DLC1: variants seen among roughly 807,000 people sequenced by gnomAD.
DLC1 encodes DLC1 Rho GTPase activating protein.
Under a neutral mutation model 140.3 loss-of-function variants are expected in DLC1, and 54 were observed. The ratio of observed to expected loss-of-function variants is 0.38; its 90% confidence interval spans 0.31 to 0.48. DLC1 has a LOEUF of 0.48. DLC1 is among the 20% of genes least tolerant of loss of function. DLC1 has a pLI of 0.96. For missense variants in DLC1, 2,536 were observed against 1,907.0 expected (o/e 1.33, Z -6.14); for synonymous variants, 986 against 728.1 (o/e 1.35, Z -5.70).
intron 2 of DLC1, among the ~76,000 whole-genome samples, chr8:13,435,811 C>T (rs1364973957): frequency 6.6e-6 from 1 of 152,218 alleles, no homozygotes; most frequent in Non-Finnish European, 1.5e-5. Flanking sequence ...TCAAACAGCA[C>T]TGCAAGCTAC....
chr8:13,396,066 T>C lies in DLC1; in HGVS notation c.1174-2373A>G, dbSNP rs1161945062. Among the ~76,000 whole-genome samples, 14 of 148,240 alleles carry C rather than the reference T, an allele frequency of 9.4e-5. No homozygotes were observed. In the South Asian group the frequency reaches 1.5e-3, roughly 16 times the overall value. Reference sequence around the variant, plus strand: ...TTGCATTAATTTCTTTTCTTTCTTTTTTTTTTTTTTTGAGACGGAGTCTCA... The same window carrying C: ...TTGCATTAATTTCTTTTCTTTCTTTCTTTTTTTTTTTGAGACGGAGTCTCA... On this transcript the variant is annotated intron_variant, in intron 3 of 17. Transcript: ENST00000276297.
At chr8:13,131,883 C>T (rs1822125988) in intron 5 of DLC1, among the ~76,000 whole-genome samples, 1 of 152,182 alleles carries the variant, frequency 6.6e-6, no homozygotes, top group Non-Finnish European at 1.5e-5. Context: ...GCCCCAGGGG[C>T]TGTGCGCTGA....
intron 4 of DLC1, among the ~76,000 whole-genome samples, chr8:13,372,745 T>C (rs888899647): frequency 2.0e-5 from 3 of 152,368 alleles, no homozygotes; most frequent in South Asian, 2.1e-4. Flanking sequence ...TAACTCATCT[T>C]AATATTTTCT....
chr8:13,313,266 C>G (rs1225668612), intron 4 of DLC1, among the ~76,000 whole-genome samples: 2 of 152,100 alleles, frequency 1.3e-5, no homozygotes, highest in African/African-American at 2.4e-5. Flanking sequence ...AGACTCAAGC[C>G]AAGTACTCAC....
At chr8:13,322,896 C>T (rs1833182194) in intron 4 of DLC1, among the ~76,000 whole-genome samples, 1 of 152,090 alleles carries the variant, frequency 6.6e-6, no homozygotes, top group South Asian at 2.1e-4. Context: ...GACTCTATTC[C>T]ATAAGGCACT....
intron 5 of DLC1, chr8:13,133,260 G>A: frequency 7.4e-7 from 1 of 1,351,368 alleles, no homozygotes; most frequent in South Asian, 1.7e-5. Context: ...TGGGAGCGAA[G>A]CGCCCTCGCT....
At position 13,099,571 on chromosome 8, in the gene DLC1, C is replaced by T. The variant is rs764565080; in HGVS notation, c.2766G>A (p.Gln922=). ...CCTCATCAGAAAACTTCTCCGACCA[C>T]TGATTGACTATCCGCTGCATCCCCT... ...HVKGMQRIVN[Q]WSEKFSDEGD... The change falls in exon 9 of 18, where the codon CAG becomes CAA. Residue 922 remains glutamine, a synonymous_variant. Coordinates refer to ENST00000276297, the MANE Select transcript of DLC1 (RefSeq NM_182643.3). 1 of 1,614,202 alleles carries T rather than the reference C, an allele frequency of 6.2e-7. No homozygotes were observed. Among genetic ancestry groups the T allele is most frequent in the Non-Finnish European group, 8.5e-7 (1 of 1,180,042 alleles).
At chr8:13,169,781 T>C (rs1825338472) in intron 5 of DLC1, among the ~76,000 whole-genome samples, 1 of 152,064 alleles carries the variant, frequency 6.6e-6, no homozygotes, top group African/African-American at 2.4e-5. Context: ...CCCAGCATTT[T>C]GGGAGGCCAA....
intron 4 of DLC1, among the ~76,000 whole-genome samples, chr8:13,376,862 G>A (rs1836015617): frequency 6.6e-6 from 1 of 152,126 alleles, no homozygotes; most frequent in African/African-American, 2.4e-5. Context: ...ACTGGGTCAG[G>A]ATTCTTCACC....
At chr8:13,249,027 A>T (rs888439894) in intron 5 of DLC1, among the ~76,000 whole-genome samples, 1 of 152,020 alleles carries the variant, frequency 6.6e-6, no homozygotes, top group South Asian at 2.1e-4. Flanking sequence ...CTCACTTTCC[A>T]TTCCTCAGTG....
At chr8:13,585,605 A>T (rs1585304446) in intron 1 of DLC1, among the ~76,000 whole-genome samples, 1 of 152,178 alleles carries the variant, frequency 6.6e-6, no homozygotes, top group Non-Finnish European at 1.5e-5. Context: ...GAAGGCTGGA[A>T]GTCCGAAATT....
chr8:13,551,850 C>T (rs2046183), intron 1 of DLC1, among the ~76,000 whole-genome samples: 1 of 141,480 alleles, frequency 7.1e-6, no homozygotes, highest in South Asian at 2.2e-4. Flanking sequence ...ATATATGCAC[C>T]TCTAGACAAG....
intron 5 of DLC1, among the ~76,000 whole-genome samples, chr8:13,267,956 T>C (rs1830758739): frequency 6.6e-6 from 1 of 152,194 alleles, no homozygotes. Context: ...AATTTGTTTT[T>C]ATTAAGAGTG....
At chr8:13,557,233 T>G (rs1457713409) in intron 1 of DLC1, among the ~76,000 whole-genome samples, 1 of 152,076 alleles carries the variant, frequency 6.6e-6, no homozygotes, top group East Asian at 1.9e-4. Flanking sequence ...TTATTCGTAC[T>G]CTGAAAAAGC....
intron 5 of DLC1, among the ~76,000 whole-genome samples, chr8:13,160,652 G>A (rs1487700789): frequency 6.6e-6 from 1 of 152,200 alleles, no homozygotes; most frequent in Non-Finnish European, 1.5e-5. Context: ...CTAAACCGCA[G>A]AAAGCTTCAT....
chr8:13,481,305 T>C (rs1261938315), intron 2 of DLC1, among the ~76,000 whole-genome samples: 4 of 152,060 alleles, frequency 2.6e-5, no homozygotes, highest in Non-Finnish European at 4.4e-5. Flanking sequence ...TGCATGCCTG[T>C]AGTTTTAGCT....
chr8:13,172,082 A>G (rs566629987), intron 5 of DLC1, among the ~76,000 whole-genome samples: 5 of 152,238 alleles, frequency 3.3e-5, no homozygotes, highest in Non-Finnish European at 5.9e-5. Context: ...TGCTTCATCT[A>G]TATGGCATTA....
intron 5 of DLC1, chr8:13,132,881 G>A (rs1822234264): frequency 3.2e-6 from 5 of 1,542,884 alleles, no homozygotes; most frequent in East Asian, 4.9e-5. Flanking sequence ...CTTTCTCGCG[G>A]CGGGTCCCCT....
chr8:13,094,666 A>T, intron 12 of DLC1, 93 bp downstream of exon 12: 1 of 11,434 alleles, frequency 8.7e-5, no homozygotes, highest in South Asian at 7.5e-3. Context: ...ACTCCATCTC[A>T]AAAAAAAAAA....
Sources: gnomAD v4.1 joint callset for allele counts (sites outside exome capture counted in the v4.1 genomes callset) on GRCh38, gnomAD v4.1.1 for gene constraint, MANE v1.5 for transcripts, NCBI Gene and HGNC (gene_info 2026-07-23, HGNC 2026-07-21) for gene names.